The following ADGRL3 variants were observed in gnomAD, a reference collection of about 807,000 sequenced individuals.
ADGRL3 encodes the protein adhesion G protein-coupled receptor L3.
ADGRL3 carries 62 observed loss-of-function variants against 153.5 expected under a neutral mutation model. The observed-to-expected ratio is 0.40, with a 90% CI of 0.33 to 0.50. The LOEUF (loss-of-function observed/expected upper bound fraction) is 0.50, where lower values mean the gene tolerates loss of function less well. Among genes scored for constraint, ADGRL3 ranks in the 20% least tolerant of loss-of-function variants. The probability of loss-of-function intolerance (pLI) is 0.47; values close to 1 mark genes in which losing one functional copy is unlikely to be tolerated. For missense variants in ADGRL3, 1,641 were observed against 1,859.4 expected (o/e 0.88, Z 2.16); for synonymous variants, 710 against 672.5 (o/e 1.06, Z -0.86).
chr4:61,844,375 C>T (rs34323080), intron 9 of ADGRL3, among the ~76,000 whole-genome samples: 61,798 of 148,332 alleles, frequency 0.42, 13,969 homozygotes, highest in East Asian at 0.7. Context: ...TGGTGAAACC[C>T]GTCTCTACTA....
At chr4:61,967,358 ATTTCT>A (rs1056488773) in intron 17 of ADGRL3, among the ~76,000 whole-genome samples, 2 of 151,974 alleles carry the variant, frequency 1.3e-5, no homozygotes, top group Non-Finnish European at 2.9e-5. Flanking sequence ...TTTGCCTTTC[ATTTCT>A]TTTCTTTTTA....
intron 2 of ADGRL3, among the ~76,000 whole-genome samples, chr4:61,385,921 A>G (rs1161280670): frequency 1.3e-5 from 2 of 152,016 alleles, no homozygotes; most frequent in Non-Finnish European, 2.9e-5. Context: ...ATGTGTATGT[A>G]TCTATCTCTT....
chr4:61,248,862 T>A (rs1172880999), intron 1 of ADGRL3, among the ~76,000 whole-genome samples: 2 of 152,176 alleles, frequency 1.3e-5, no homozygotes, highest in Non-Finnish European at 2.9e-5. Flanking sequence ...AGAGCTTGTT[T>A]ATCGAGCTAC....
At chr4:61,696,734 G>A (rs1277762024) in intron 6 of ADGRL3, among the ~76,000 whole-genome samples, 1 of 141,854 alleles carries the variant, frequency 7.0e-6, no homozygotes, top group African/African-American at 2.7e-5. Context: ...GGAGTGCAGT[G>A]GCATGATCTC....
In ADGRL3 at chr4:61,306,233, G is replaced by A. The variant is rs183046131; in HGVS notation, c.-239-76891G>A. On this transcript the variant is annotated intron_variant, in intron 1 of 26. Coordinates refer to ENST00000683033, the MANE Select transcript of ADGRL3 (RefSeq NM_001387552.1). Reference sequence around the variant, plus strand: ...CTGCCTCAGCCTCCCAGGTAGCTGGGACTACAGGTACCCGCCACCACGCCC... The same window carrying A: ...CTGCCTCAGCCTCCCAGGTAGCTGGAACTACAGGTACCCGCCACCACGCCC... Among the ~76,000 whole-genome samples, 239 of 152,080 alleles carry A rather than the reference G, an allele frequency of 1.6e-3. 7 individuals carry two copies. In the East Asian group the frequency reaches 0.041, roughly 26 times the overall value.
chr4:61,279,095 T>C (rs1215381111), intron 1 of ADGRL3, among the ~76,000 whole-genome samples: 1 of 152,158 alleles, frequency 6.6e-6, no homozygotes, highest in African/African-American at 2.4e-5. Context: ...ATCATGACTG[T>C]CTAGACAGGT....
intron 25 of ADGRL3, 150 bp from the exon 26 acceptor site, chr4:62,068,016 C>T: frequency 2.0e-6 from 1 of 495,110 alleles, no homozygotes; most frequent in Non-Finnish European, 3.6e-6. Flanking sequence ...ATCATGTAAC[C>T]CAGACTCATG....
intron 1 of ADGRL3, among the ~76,000 whole-genome samples, chr4:61,295,454 C>T (rs890848030): frequency 6.6e-6 from 1 of 152,034 alleles, no homozygotes; most frequent in Non-Finnish European, 1.5e-5. Context: ...AGTCTTGGAA[C>T]ACAGTCCCTG....
At chr4:61,391,201 G>T (rs558569576) in intron 2 of ADGRL3, among the ~76,000 whole-genome samples, 1 of 152,164 alleles carries the variant, frequency 6.6e-6, no homozygotes, top group Admixed American at 6.5e-5. Flanking sequence ...CATGGCCCCG[G>T]CATCTGTTCC....
intron 5 of ADGRL3, among the ~76,000 whole-genome samples, chr4:61,596,516 C>A (rs35550109): frequency 6.6e-6 from 1 of 151,914 alleles, no homozygotes; most frequent in Non-Finnish European, 1.5e-5. Flanking sequence ...TCTGCCAGAG[C>A]TCAACTTACA....
intron 14 of ADGRL3, 70 bp from the exon 15 acceptor site, chr4:61,935,853 A>G (rs2098836109): frequency 2.9e-6 from 4 of 1,382,158 alleles, no homozygotes; most frequent in South Asian, 1.5e-5. Context: ...AAATACTGCA[A>G]TGGTTTAGGA....
At chr4:61,662,770 G>T (rs942436078) in intron 5 of ADGRL3, among the ~76,000 whole-genome samples, 1 of 152,170 alleles carries the variant, frequency 6.6e-6, no homozygotes, top group African/African-American at 2.4e-5. Context: ...AGCTTTTTCT[G>T]GCCATGCATG....
At chr4:61,463,772 G>A (rs1004312529) in intron 2 of ADGRL3, among the ~76,000 whole-genome samples, 5 of 152,120 alleles carry the variant, frequency 3.3e-5, no homozygotes, top group African/African-American at 9.7e-5. Flanking sequence ...CAGCTTGTGA[G>A]TTATTATGAG....
intron 9 of ADGRL3, among the ~76,000 whole-genome samples, chr4:61,824,673 C>T (rs777289073): frequency 1.2e-4 from 18 of 152,134 alleles, no homozygotes; most frequent in Non-Finnish European, 2.1e-4. Context: ...CTCAACCCCA[C>T]CTGCTGCATA....
At chr4:61,258,363 A>G (rs946763079) in intron 1 of ADGRL3, among the ~76,000 whole-genome samples, 4 of 152,176 alleles carry the variant, frequency 2.6e-5, no homozygotes, top group Admixed American at 6.5e-5. Context: ...ATTCATAAGC[A>G]TGTGGTTTAT....
intron 15 of ADGRL3, among the ~76,000 whole-genome samples, chr4:61,936,899 C>CT (rs1481655291): frequency 1.3e-5 from 2 of 151,812 alleles, no homozygotes; most frequent in African/African-American, 4.8e-5. Context: ...TAGCAACCAA[C>CT]TTAATACTAA....
At chr4:61,242,315 T>C (rs887061749) in intron 1 of ADGRL3, among the ~76,000 whole-genome samples, 1 of 151,960 alleles carries the variant, frequency 6.6e-6, no homozygotes, top group Non-Finnish European at 1.5e-5. Flanking sequence ...ATGTAGTTGG[T>C]GTTCAGTAAA....
intron 8 of ADGRL3, among the ~76,000 whole-genome samples, chr4:61,738,128 C>A (rs4639106): frequency 0.41 from 62,744 of 151,718 alleles, 13,425 homozygotes; most frequent in East Asian, 0.64. Context: ...ATTCTTATGC[C>A]TTTTGCATCC....
At chr4:61,299,425 T>G (rs2094512644) in intron 1 of ADGRL3, among the ~76,000 whole-genome samples, 1 of 152,208 alleles carries the variant, frequency 6.6e-6, no homozygotes, top group African/African-American at 2.4e-5. Flanking sequence ...AGTTAATTTC[T>G]TTCTTATTCT....
Sources: allele counts gnomAD v4.1 joint callset (sites outside exome capture counted in the v4.1 genomes callset), GRCh38; gene constraint gnomAD v4.1.1; transcripts MANE v1.5; gene names NCBI Gene and HGNC (gene_info 2026-07-23, HGNC 2026-07-21).